Variants in DHX9 observed in about 807,000 individuals in gnomAD.
The protein encoded by DHX9 is ATP-dependent RNA helicase A.
Under a neutral mutation model 148.7 loss-of-function variants are expected in DHX9, and 27 were observed. The observed-to-expected ratio is 0.18, with a 90% CI of 0.13 to 0.25. The LOEUF is 0.25. DHX9 is among the 10% of genes least tolerant of loss of function. The pLI is 1.00. For synonymous variants in DHX9, 529 were observed against 516.6 expected (o/e 1.02, Z -0.33); for missense variants, 796 against 1,559.6 (o/e 0.51, Z 8.25).
At chr1:182,867,563 C>T (rs913900326) in intron 14 of DHX9, among the ~76,000 whole-genome samples, 21 of 152,000 alleles carry the variant, frequency 1.4e-4, no homozygotes, top group East Asian at 1.9e-4. Context: ...CCACCATGCC[C>T]GACTGATTTT....
At chr1:182,851,462 A>G (rs1322026785) in intron 3 of DHX9, among the ~76,000 whole-genome samples, 1 of 152,248 alleles carries the variant, frequency 6.6e-6, no homozygotes, top group Non-Finnish European at 1.5e-5. Context: ...AGCTTTTTGA[A>G]TGAATTAGCT....
chr1:182,877,820 G>A, intron 19 of DHX9: 1 of 589,142 alleles, frequency 1.7e-6, no homozygotes, highest in Non-Finnish European at 2.9e-6. Flanking sequence ...GTGGCAAGTG[G>A]ATGTTACATT....
At chr1:182,885,155 A>G (rs1444593253) in intron 27 of DHX9, among the ~76,000 whole-genome samples, 1 of 152,252 alleles carries the variant, frequency 6.6e-6, no homozygotes. Flanking sequence ...GCATCTCTAA[A>G]GAAAAATATT....
intron 12 of DHX9, among the ~76,000 whole-genome samples, chr1:182,861,421 CTTAA>C (rs926477461): frequency 7.9e-5 from 12 of 152,208 alleles, no homozygotes; most frequent in Non-Finnish European, 1.8e-4. Context: ...TATTCTTACT[CTTAA>C]TTCTTACCTC....
chr1:182,875,804 ATTTAAG>A (rs1296637352), intron 16 of DHX9, among the ~76,000 whole-genome samples: 1 of 152,188 alleles, frequency 6.6e-6, no homozygotes, highest in East Asian at 1.9e-4. Flanking sequence ...TTTGAGTCAA[ATTTAAG>A]TTTGTGTTTG....
At chr1:182,846,228 C>T (rs964147840) in intron 3 of DHX9, among the ~76,000 whole-genome samples, 1 of 151,598 alleles carries the variant, frequency 6.6e-6, no homozygotes. Flanking sequence ...GGATTGAAGA[C>T]CAGATGTACT....
Position 182,859,988 on chromosome 1 carries a change from T to A in DHX9, c.1141-5T>A, listed in dbSNP as rs1668331203. On this transcript the variant is annotated splice_region_variant and splice_polypyrimidine_tract_variant and intron_variant, in intron 11 of 27. Coordinates refer to ENST00000367549, the MANE Select transcript of DHX9 (RefSeq NM_001357.5). ...TTTGACTGAAGTGTGACTTTTCTAA[T>A]GCAGATCTTGCAGGAGAGAGAGTTA... 6.2e-7 allele frequency: 1 copy of A among 1,605,358 alleles called. No homozygotes were observed. Among genetic ancestry groups the A allele is most frequent in the Non-Finnish European group, 8.5e-7 (1 of 1,176,118 alleles).
Position 182,876,216 on chromosome 1 carries a change from A to G in DHX9, c.1982A>G (p.Asn661Ser), listed in dbSNP as rs1448582414. 2 of 1,613,856 alleles carry G rather than the reference A, an allele frequency of 1.2e-6. No homozygotes were observed. The highest frequency in any genetic ancestry group is 2.7e-5 in the African/African-American group (2 of 74,892). The change falls in exon 17 of 28, where the codon AAT becomes AGT. Residue 661 changes from asparagine to serine, a missense_variant. By Grantham distance (46) the Asn-to-Ser change is conservative. Around this residue, in one of 14 missense-constraint regions of DHX9, gnomAD observed 133 missense variants for 223.8 expected, o/e 0.59. Coordinates refer to ENST00000367549, the MANE Select transcript of DHX9 (RefSeq NM_001357.5). ...GAVLVFLPGW[N>S]LIYTMQKHLE... Reference sequence around the variant, plus strand: ...GTGTTGGTTTTTTTGCCTGGCTGGAATCTGATTTATACTATGCAGAAGCAT... The same window carrying G: ...GTGTTGGTTTTTTTGCCTGGCTGGAGTCTGATTTATACTATGCAGAAGCAT...
intron 14 of DHX9, among the ~76,000 whole-genome samples, chr1:182,868,992 A>G (rs959100961): frequency 6.6e-6 from 1 of 152,124 alleles, no homozygotes; most frequent in African/African-American, 2.4e-5. Context: ...TTAATTGACA[A>G]ATGTTTTGAT....
At chr1:182,867,916 A>G (rs1648373947) in intron 14 of DHX9, among the ~76,000 whole-genome samples, 2 of 152,238 alleles carry the variant, frequency 1.3e-5, no homozygotes, top group African/African-American at 4.8e-5. Flanking sequence ...GTGACTTTCA[A>G]AGGTTTCAGT....
At chr1:182,848,079 T>G (rs1345485886) in intron 3 of DHX9, among the ~76,000 whole-genome samples, 1 of 152,210 alleles carries the variant, frequency 6.6e-6, no homozygotes. Flanking sequence ...TCTTCATAGG[T>G]CTTCAAATAA....
rs989247357 is a variant in DHX9, at chr1:182,884,828, ACTT to A, written c.3461+19_3461+21del. 13 of 1,612,418 alleles carry A rather than the reference ACTT, an allele frequency of 8.1e-6. No individual in the cohort carries two copies. In the African/African-American group the frequency reaches 1.1e-4, roughly 13 times the overall value. On this transcript the variant is annotated intron_variant, in intron 27 of 27. Coordinates refer to ENST00000367549, the MANE Select transcript of DHX9 (RefSeq NM_001357.5). ...GGCAGTACACGGTGAGTACCAATAT[ACTT>A]CTTACTGAACCAAGTAGAGGGGAGA...
chr1:182,874,769 T>G, intron 15 of DHX9, 85 bp from the exon 16 acceptor site: 1 of 1,093,746 alleles, frequency 9.1e-7, no homozygotes, highest in Non-Finnish European at 1.4e-6. Flanking sequence ...TAAAGTAGTT[T>G]TGAACTATGA....
intron 6 of DHX9, 56 bp downstream of exon 6, chr1:182,854,234 C>T: frequency 1.3e-6 from 2 of 1,483,664 alleles, no homozygotes; most frequent in Non-Finnish European, 1.8e-6. Flanking sequence ...TTTGGATATT[C>T]ACTGTTGAAT....
chr1:182,878,330 A>G (rs1474275046), intron 20 of DHX9, among the ~76,000 whole-genome samples, 157 bp downstream of exon 20: 1 of 152,256 alleles, frequency 6.6e-6, no homozygotes, highest in Non-Finnish European at 1.5e-5. Flanking sequence ...CTTCATCACA[A>G]ATCATTTAGA....
chr1:182,865,985 G>A (rs561050700), intron 12 of DHX9, among the ~76,000 whole-genome samples: 1 of 152,164 alleles, frequency 6.6e-6, no homozygotes, highest in Admixed American at 6.5e-5. Context: ...CCTTTCTCTG[G>A]CACCTGATGC....
At chr1:182,874,021 C>T (rs908232107) in intron 15 of DHX9, among the ~76,000 whole-genome samples, 7 of 152,158 alleles carry the variant, frequency 4.6e-5, no homozygotes, top group Non-Finnish European at 1.0e-4. Context: ...TACCAAAATA[C>T]AAAATATTTG....
intron 7 of DHX9, among the ~76,000 whole-genome samples, chr1:182,857,133 C>T (rs1668265881): frequency 6.6e-6 from 1 of 152,190 alleles, no homozygotes; most frequent in Admixed American, 6.5e-5. Context: ...AGGCGTGAGC[C>T]ACTGTGCCTG....
chr1:182,876,653 G>GA, intron 18 of DHX9, 112 bp downstream of exon 18: 2 of 1,032,156 alleles, frequency 1.9e-6, no homozygotes, highest in South Asian at 1.5e-5. Context: ...AATTGAGGAA[G>GA]AAAAAAGGAG....
Sources: allele counts gnomAD v4.1 joint callset (sites outside exome capture counted in the v4.1 genomes callset), GRCh38; gene constraint gnomAD v4.1.1; regional missense constraint gnomAD v4.1.1; transcripts MANE v1.5; gene names NCBI Gene and HGNC (gene_info 2026-07-23, HGNC 2026-07-21).